The following ATP2B3 variants were observed in gnomAD, a reference collection of about 807,000 sequenced individuals.
ATP2B3 encodes the protein plasma membrane calcium-transporting ATPase 3.
In ATP2B3, 12 loss-of-function variants were observed where a neutral mutation model predicts 70.8. The ratio of observed to expected loss-of-function variants is 0.17; its 90% CI spans 0.11 to 0.27. The LOEUF (loss-of-function observed/expected upper bound fraction) is 0.27, where lower values mean the gene tolerates loss of function less well. Ranked by LOEUF, ATP2B3 falls within the 10% of genes least tolerant of loss-of-function variation. The pLI is 1.00. For synonymous variants in ATP2B3, 460 were observed against 497.8 expected (o/e 0.92, Z 1.01); for missense variants, 858 against 1,118.5 (o/e 0.77, Z 3.32).
At chrX:153,525,227 C>G (rs1380037701) in intron 2 of ATP2B3, among the ~76,000 whole-genome samples, 4 of 112,560 alleles carry the variant, frequency 3.6e-5, no homozygotes, top group African/African-American at 1.3e-4. Context: ...AATCACTGTC[C>G]TGACACTCAG....
At chrX:153,555,945 C>T in intron 13 of ATP2B3, 104 bp from the exon 14 acceptor site, 1 of 983,399 alleles carries the variant, frequency 1.0e-6, no homozygotes. Context: ...CTCACCTCTG[C>T]TGGACCTTGG....
Position 153,536,320 on chromosome X carries a change from G to A in ATP2B3, c.73G>A (p.Gly25Arg). The A allele has an allele frequency of 8.3e-7, 1 of 1,198,426 alleles. No homozygotes were observed. The highest frequency in any genetic ancestry group is 1.7e-5 in the African/African-American group (1 of 57,992). The stretch of plus-strand genomic sequence containing the variant: ...GCAGCAGCGGGATGTCCCCCAGGCT[G>A]GAGGCTTTGGGTGCACGCTGGCGGA... ...PQQQRDVPQA[G>R]GFGCTLAELR... Residue 25 changes from glycine (G) to arginine (R), a missense_variant, in exon 3 of 22, where the codon GGA becomes AGA. Physicochemically the swap from Gly to Arg is moderately radical, Grantham distance 125. Coordinates refer to ENST00000263519, the MANE Select transcript of ATP2B3 (RefSeq NM_001001344.3).
intron 19 of ATP2B3, 125 bp downstream of exon 19, chrX:153,561,012 C>T: frequency 1.3e-6 from 1 of 791,017 alleles, no homozygotes. Flanking sequence ...GAGCCCCACC[C>T]CACCTGGCTT....
chrX:153,550,493 C>A (rs995261489), intron 12 of ATP2B3, among the ~76,000 whole-genome samples: 6 of 111,582 alleles, frequency 5.4e-5, no homozygotes, highest in Admixed American at 9.5e-5. Context: ...ACCCCAGGCC[C>A]ATGAGCAGCC....
intron 2 of ATP2B3, among the ~76,000 whole-genome samples, chrX:153,527,513 C>T (rs186051527): frequency 8.9e-6 from 1 of 112,843 alleles, no homozygotes; most frequent in Non-Finnish European, 1.9e-5. Flanking sequence ...CCTGCTCCCT[C>T]GCTCTCTCCT....
chrX:153,517,673 C>G lies in ATP2B3; in HGVS notation c.-449C>G, dbSNP rs1309661537. 9.3e-6 allele frequency: 1 copy of G among 107,801 alleles called. No homozygotes were observed. Among genetic ancestry groups the G allele is most frequent in the Non-Finnish European group, 1.9e-5 (1 of 51,319 alleles). The allele number at this position is 107,801 out of a possible 1,213,427, so 8.9% of individuals were successfully genotyped here. ...GCGGTTGGAGCCGAGCGCGCCGCGT[C>G]GCCCGCCGCCGGTGCAGAGCGTGGG... On this transcript the variant is annotated 5_prime_UTR_variant, in exon 1 of 22. Transcript: ENST00000263519.
chrX:153,528,031 G>A (rs1164873110), intron 2 of ATP2B3, among the ~76,000 whole-genome samples: 4 of 112,919 alleles, frequency 3.5e-5, no homozygotes, highest in Admixed American at 9.3e-5. Flanking sequence ...GGACCATTTC[G>A]CAGATTAAAA....
chrX:153,542,363 T>C lies in ATP2B3; in HGVS notation c.705T>C (p.Asn235=). ...CCGACGGCGTGCTCATCCAGGCCAA[T>C]GACCTCAAGATCGACGAGAGCTCCC... is the stretch of plus-strand genomic sequence containing the variant. ...LPADGVLIQA[N]DLKIDESSLT... The change falls in exon 6 of 22, where the codon AAT becomes AAC. Residue 235 remains asparagine, a synonymous_variant. Transcript: ENST00000263519. 1 of 1,211,537 alleles carries C rather than the reference T, an allele frequency of 8.3e-7. No homozygotes were observed. The highest frequency in any genetic ancestry group is 1.7e-5 in the African/African-American group (1 of 57,892).
intron 3 of ATP2B3, among the ~76,000 whole-genome samples, chrX:153,539,182 G>T (rs782800619): frequency 5.3e-5 from 6 of 112,559 alleles, no homozygotes; most frequent in Admixed American, 4.6e-4. Flanking sequence ...GACAGTCCCA[G>T]TCCAGAGCGA....
rs781998315 is a variant in ATP2B3, at chrX:153,550,304, A to G, written c.1823+18A>G. 1 of 1,209,812 alleles carries G rather than the reference A, an allele frequency of 8.3e-7. No individual in the cohort carries two copies. The highest frequency in any genetic ancestry group is 2.2e-5 in the Admixed American group (1 of 46,069). On this transcript the variant is annotated intron_variant, in intron 12 of 21. Transcript: ENST00000263519. Reference sequence around the variant, plus strand: ...TTGAAAAAGTGAGTGAGCAGCAGGGAGGTGCCGGGGTACGCACGGAGTTTC... The same window carrying G: ...TTGAAAAAGTGAGTGAGCAGCAGGGGGGTGCCGGGGTACGCACGGAGTTTC...
intron 2 of ATP2B3, among the ~76,000 whole-genome samples, chrX:153,534,479 C>A (rs1261009034): frequency 2.7e-5 from 3 of 112,386 alleles, no homozygotes; most frequent in African/African-American, 6.5e-5. Flanking sequence ...TCCCCAGACG[C>A]CTTGCCTCAC....
chrX:153,529,728 C>A (rs782216569), intron 2 of ATP2B3, among the ~76,000 whole-genome samples: 2 of 111,999 alleles, frequency 1.8e-5, no homozygotes, highest in Non-Finnish European at 3.8e-5. Context: ...CCCCAGCCCC[C>A]AGCCCATGGC....
rs2090280341 is a variant in ATP2B3, at chrX:153,541,510, C to G, written c.360C>G (p.Val120=). ...TCATCCTGGAGGTGGCTGCCATCGT[C>G]TCTCTGGGCCTCTCGTTCTATGCGC... ...TLIILEVAAI[V]SLGLSFYAPP... Residue 120 remains valine (V), a synonymous_variant, in exon 4 of 22, where the codon GTC becomes GTG. Transcript: ENST00000263519. 8.3e-7 allele frequency: 1 copy of G among 1,211,495 alleles called. No individual in the cohort carries two copies. The highest frequency in any genetic ancestry group is 3.0e-5 in the East Asian group (1 of 33,811).
At position 153,524,536 on chromosome X, in the gene ATP2B3, A is replaced by G. The variant is rs782541985; in HGVS notation, c.-127+5985A>G. ...TAATTTGCCAAACCTGTTGAATCCAAATGAGATGTGTCTTAGGGGATAGTT... is the reference window on the plus strand; with the variant it reads ...TAATTTGCCAAACCTGTTGAATCCAGATGAGATGTGTCTTAGGGGATAGTT... On this transcript the variant is annotated intron_variant, in intron 2 of 21. Transcript: ENST00000263519. Among the ~76,000 whole-genome samples, 3 of 111,841 alleles carry G rather than the reference A, an allele frequency of 2.7e-5. No homozygotes were observed. In the South Asian group the frequency reaches 1.1e-3, roughly 42 times the overall value.
rs144565141 is a variant in ATP2B3, at chrX:153,576,893, T to C, written c.3343-3085T>C. ...ATCTCCCAGGAATCGACTGCATCCT[T>C]CAGTGTTGGGTGGGCTGAAAACACC... On this transcript the variant is annotated intron_variant, in intron 21 of 21. Transcript: ENST00000263519. Among the ~76,000 whole-genome samples the C allele has an allele frequency of 7.7e-3, 865 of 112,305 alleles. 3 individuals are homozygous for C. Among genetic ancestry groups the C allele is most frequent in the African/African-American group, 0.027 (821 of 30,870 alleles).
At chrX:153,570,680 G>A (rs186470490) in intron 21 of ATP2B3, among the ~76,000 whole-genome samples, 307 of 111,048 alleles carry the variant, frequency 2.8e-3, no homozygotes, top group Non-Finnish European at 4.8e-3. Context: ...AAACTTTCGC[G>A]CGTGGGCCCA....
At chrX:153,519,542 G>A (rs1556997162) in intron 2 of ATP2B3, among the ~76,000 whole-genome samples, 2 of 112,133 alleles carry the variant, frequency 1.8e-5, no homozygotes, top group Non-Finnish European at 3.8e-5. Context: ...GGATGCCGAG[G>A]AGAGGGCTGG....
chrX:153,568,728 G>A (rs782745750), intron 21 of ATP2B3, among the ~76,000 whole-genome samples: 32 of 112,316 alleles, frequency 2.8e-4, no homozygotes, highest in African/African-American at 9.4e-4. Context: ...GCCGGTGCAG[G>A]GGGAGTCTGA....
intron 8 of ATP2B3, among the ~76,000 whole-genome samples, 180 bp from the exon 9 acceptor site, chrX:153,547,655 C>T (rs2090389564): frequency 9.0e-6 from 1 of 111,326 alleles, no homozygotes; most frequent in African/African-American, 3.3e-5. Context: ...CCACCCACCC[C>T]AAGAGGGCCT....
Sources: allele counts gnomAD v4.1 joint callset (sites outside exome capture counted in the v4.1 genomes callset), GRCh38; gene constraint gnomAD v4.1.1; transcripts MANE v1.5; gene names NCBI Gene and HGNC (gene_info 2026-07-23, HGNC 2026-07-21).